The following ARHGAP6 variants were observed in gnomAD, a reference collection of about 807,000 sequenced individuals.
ARHGAP6 encodes Rho GTPase activating protein 6, also known as rho GTPase-activating protein 6.
ARHGAP6 carries 16 observed loss-of-function variants against 55.7 expected under a neutral mutation model. The ratio of observed to expected loss-of-function variants is 0.29; its 90% CI spans 0.19 to 0.44. ARHGAP6 has a LOEUF of 0.44. Ranked by LOEUF, ARHGAP6 falls within the 20% of genes least tolerant of loss-of-function variation. ARHGAP6 has a pLI of 1.00. For synonymous variants in ARHGAP6, 382 were observed against 360.9 expected, an observed-to-expected ratio of 1.06 and a Z score of -0.66; for missense variants, 698 against 808.9, an observed-to-expected ratio of 0.86 and a Z score of 1.66.
chrX:11,596,928 T>A (rs1466935184), intron 1 of ARHGAP6, among the ~76,000 whole-genome samples: 1 of 112,120 alleles, frequency 8.9e-6, no homozygotes, highest in Non-Finnish European at 1.9e-5. Context: ...TTCATGCTAT[T>A]ATTTTGATAT....
intron 2 of ARHGAP6, among the ~76,000 whole-genome samples, chrX:11,241,571 T>TGTGTGTGTGTGCGC (rs1555975316): frequency 9.8e-6 from 1 of 101,963 alleles, no homozygotes. Context: ...TGTGTGTGTG[T>TGTGTGTGTGTGCGC]GTGCGCGTGT....
intron 3 of ARHGAP6, among the ~76,000 whole-genome samples, chrX:11,190,911 C>T (rs777505011): frequency 8.9e-6 from 1 of 112,373 alleles, no homozygotes; most frequent in Non-Finnish European, 1.9e-5. Context: ...ACTCTTCACA[C>T]CTGCTGTACC....
At chrX:11,427,576 CGGTACACCG>C (rs1427167608) in intron 1 of ARHGAP6, 1 of 912,782 alleles carries the variant, frequency 1.1e-6, no homozygotes, top group African/African-American at 2.1e-5. Flanking sequence ...CTTCTCGCCG[CGGTACACCG>C]GGTGCCCCAT....
intron 2 of ARHGAP6, among the ~76,000 whole-genome samples, chrX:11,226,036 A>G (rs2047042880): frequency 9.2e-6 from 1 of 108,839 alleles, no homozygotes; most frequent in South Asian, 4.1e-4. Context: ...GTTCTAGGGT[A>G]TATATGCACA....
At chrX:11,181,064 T>C (rs769486367) in intron 6 of ARHGAP6, among the ~76,000 whole-genome samples, 1 of 112,131 alleles carries the variant, frequency 8.9e-6, no homozygotes. Flanking sequence ...TGAGATAATA[T>C]TTGTAAAAAT....
chrX:11,624,061 A>G (rs1385940113), intron 1 of ARHGAP6, among the ~76,000 whole-genome samples: 1 of 111,865 alleles, frequency 8.9e-6, no homozygotes, highest in Non-Finnish European at 1.9e-5. Flanking sequence ...GAGAGCCCTG[A>G]AATAAATCCA....
intron 1 of ARHGAP6, among the ~76,000 whole-genome samples, chrX:11,573,955 A>G (rs904623040): frequency 2.7e-5 from 3 of 111,516 alleles, no homozygotes; most frequent in Admixed American, 9.5e-5. Context: ...GCAATTGTGA[A>G]TGGGAGTTCA....
chrX:11,440,320 T>C (rs2050027898), intron 1 of ARHGAP6, among the ~76,000 whole-genome samples: 1 of 112,308 alleles, frequency 8.9e-6, no homozygotes, highest in Non-Finnish European at 1.9e-5. Context: ...CAACCCATTG[T>C]TTTGCACTTA....
intron 1 of ARHGAP6, among the ~76,000 whole-genome samples, chrX:11,257,024 C>T: frequency 9.0e-6 from 1 of 111,195 alleles, no homozygotes; most frequent in East Asian, 2.8e-4. Flanking sequence ...TTTGGTATAA[C>T]CAGACTAAGA....
intron 1 of ARHGAP6, among the ~76,000 whole-genome samples, chrX:11,390,454 T>C (rs1310387382): frequency 9.0e-6 from 1 of 111,155 alleles, no homozygotes; most frequent in Non-Finnish European, 1.9e-5. Context: ...AAAGCCAAAA[T>C]TGACAAATGG....
chrX:11,383,725 T>A (rs1248641910), intron 1 of ARHGAP6, among the ~76,000 whole-genome samples: 1 of 111,561 alleles, frequency 9.0e-6, no homozygotes, highest in African/African-American at 3.3e-5. Flanking sequence ...CAGAGGAAAA[T>A]CCACTTTCCA....
At chrX:11,242,516 A>G (rs1170187176) in intron 2 of ARHGAP6, among the ~76,000 whole-genome samples, 2 of 111,940 alleles carry the variant, frequency 1.8e-5, no homozygotes, top group African/African-American at 6.5e-5. Flanking sequence ...TTCATGATCT[A>G]GGAGCTAGTA....
At chrX:11,588,398 A>C (rs5935117) in intron 1 of ARHGAP6, among the ~76,000 whole-genome samples, 28,040 of 110,796 alleles carry the variant, frequency 0.25, 2,765 homozygotes, top group Middle Eastern at 0.36. Flanking sequence ...ACTGCATGAC[A>C]CAGCAATTCC....
chrX:11,287,391 T>C (rs2047934123), intron 1 of ARHGAP6, among the ~76,000 whole-genome samples: 1 of 112,114 alleles, frequency 8.9e-6, no homozygotes, highest in Non-Finnish European at 1.9e-5. Flanking sequence ...CCCAGGGGTC[T>C]TGCGTCTGCT....
chrX:11,272,993 A>G (rs1476548105), intron 1 of ARHGAP6, among the ~76,000 whole-genome samples: 1 of 111,813 alleles, frequency 8.9e-6, no homozygotes, highest in Non-Finnish European at 1.9e-5. Context: ...CCTGCTCTGT[A>G]AAGTGGAGAT....
intron 8 of ARHGAP6, among the ~76,000 whole-genome samples, chrX:11,170,903 T>G (rs1239631282): frequency 9.3e-6 from 1 of 107,350 alleles, no homozygotes. Context: ...GACAGGGGAG[T>G]TTCAAGTGAG....
chrX:11,520,134 T>C (rs1305549910), intron 1 of ARHGAP6, among the ~76,000 whole-genome samples: 11 of 23,802 alleles, frequency 4.6e-4, no homozygotes, highest in African/African-American at 2.5e-3. Flanking sequence ...ATTGATTTTA[T>C]ATATATATAT....
At chrX:11,461,248 A>G (rs1317004277) in intron 1 of ARHGAP6, among the ~76,000 whole-genome samples, 1 of 112,519 alleles carries the variant, frequency 8.9e-6, no homozygotes, top group Non-Finnish European at 1.9e-5. Context: ...TATACAGAGA[A>G]GAGCCAGTAT....
chrX:11,632,273 T>C (rs755151710), intron 1 of ARHGAP6, among the ~76,000 whole-genome samples: 1 of 112,368 alleles, frequency 8.9e-6, no homozygotes, highest in East Asian at 2.8e-4. Context: ...GAAATAATTT[T>C]CTTCTGGTTT....
Sources: gnomAD v4.1 joint callset for allele counts (sites outside exome capture counted in the v4.1 genomes callset) on GRCh38, gnomAD v4.1.1 for gene constraint, MANE v1.5 for transcripts, NCBI Gene and HGNC (gene_info 2026-07-23, HGNC 2026-07-21) for gene names.